Variants in CACNA1B observed in about 807,000 individuals in gnomAD.
CACNA1B encodes the protein calcium voltage-gated channel subunit alpha1 B.
Under a neutral mutation model 247.2 loss-of-function variants are expected in CACNA1B, and 70 were observed. The ratio of observed to expected loss-of-function variants is 0.28; its 90% CI spans 0.23 to 0.35. The LOEUF (loss-of-function observed/expected upper bound fraction) is 0.35. CACNA1B is among the 10% of genes least tolerant of loss of function. The probability of loss-of-function intolerance (pLI) is 1.00; values close to 1 mark genes in which losing one functional copy is unlikely to be tolerated. For synonymous variants in CACNA1B, 1,231 were observed against 1,294.4 expected (o/e 0.95, Z 1.05); for missense variants, 2,367 against 3,197.4 (o/e 0.74, Z 6.26).
Position 138,012,636 on chromosome 9 carries a change from C to T in CACNA1B, c.2161-493C>T, listed in dbSNP as rs373079285. ...GGCTGAGGTTAGAGGATCACTTAAG[C>T]CTGGGAGGTCGAGGCTGCAGTGAGC... On this transcript the variant is annotated intron_variant, in intron 17 of 46. Transcript: ENST00000371372. This position sits in a 1 kb window ranked among gnomAD's most constrained non-coding sequence, Gnocchi z 4.2. 1.3e-5 allele frequency among the ~76,000 whole-genome samples: 2 copies of T among 151,810 alleles called. No individual in the cohort carries two copies. The highest frequency in any genetic ancestry group is 3.9e-4 in the East Asian group (2 of 5,164).
chr9:137,903,068 G>A (rs970882156), intron 3 of CACNA1B, among the ~76,000 whole-genome samples: 74 of 152,148 alleles, frequency 4.9e-4, no homozygotes, highest in African/African-American at 1.7e-3. Flanking sequence ...AGTTGGATGA[G>A]CTTTGTTTTT....
At chr9:138,001,563 C>A (rs1958578147) in intron 15 of CACNA1B, among the ~76,000 whole-genome samples, 1 of 151,796 alleles carries the variant, frequency 6.6e-6, no homozygotes, top group Admixed American at 6.6e-5. Context: ...ACTATTCAAG[C>A]AGTCGAAGCT....
chr9:137,944,380 T>C (rs1645125407), intron 6 of CACNA1B, among the ~76,000 whole-genome samples: 1 of 152,194 alleles, frequency 6.6e-6, no homozygotes, highest in Admixed American at 6.5e-5. Flanking sequence ...TTTACTGCCT[T>C]ATTCTCTTTC....
chr9:138,085,264 C>G, intron 36 of CACNA1B, among the ~76,000 whole-genome samples: 1 of 150,676 alleles, frequency 6.6e-6, no homozygotes, highest in African/African-American at 2.5e-5. Context: ...AGAGCTTCAG[C>G]AGTGAGTCTG....
rs1956932705 is a variant in CACNA1B, at chr9:137,882,206, C to T, written c.391-538C>T. Among the ~76,000 whole-genome samples the T allele has an allele frequency of 6.6e-6, 1 of 152,230 alleles. No homozygotes were observed. Among genetic ancestry groups the T allele is most frequent in the South Asian group, 2.1e-4 (1 of 4,832 alleles). ...AAAGCCTGAGCTGTATCCAGGCAAC[C>T]TTGTGCAGGTTCCCACCCAGAGGCT... is the stretch of plus-strand genomic sequence containing the variant. On this transcript the variant is annotated intron_variant, in intron 2 of 46. Transcript: ENST00000371372. The surrounding 1 kb of genome is among the most constrained non-coding windows in gnomAD (Gnocchi z 4.0).
intron 44 of CACNA1B, among the ~76,000 whole-genome samples, chr9:138,119,492 C>A (rs1961999489): frequency 6.6e-6 from 1 of 152,162 alleles, no homozygotes; most frequent in Non-Finnish European, 1.5e-5. Flanking sequence ...GTCCCTCGGC[C>A]GACCTGGGCT....
rs1958180190 is a variant in CACNA1B, at chr9:137,973,410, G to C, written c.1543+1818G>C. The stretch of plus-strand genomic sequence containing the variant: ...GCAGCTTTGCAGGGGCTCATCGTGG[G>C]TTCTGTGCACCTCGGCTGTCCATTC... On this transcript the variant is annotated intron_variant, in intron 11 of 46. Coordinates refer to ENST00000371372, the MANE Select transcript of CACNA1B (RefSeq NM_000718.4). The surrounding 1 kb of genome is among the most constrained non-coding windows in gnomAD (Gnocchi z 4.1). Among the ~76,000 whole-genome samples the C allele has an allele frequency of 6.6e-6, 1 of 152,168 alleles. No individual in the cohort carries two copies. Among genetic ancestry groups the C allele is most frequent in the African/African-American group, 2.4e-5 (1 of 41,442 alleles).
At chr9:138,036,328 A>G (rs1267669852) in intron 20 of CACNA1B, among the ~76,000 whole-genome samples, 1 of 151,974 alleles carries the variant, frequency 6.6e-6, no homozygotes, top group Non-Finnish European at 1.5e-5. Context: ...TTTAGTAGAG[A>G]TGGCGTTTCA....
At position 138,058,774 on chromosome 9, in the gene CACNA1B, G is replaced by T; in HGVS notation, c.4473+41G>T. On this transcript the variant is annotated intron_variant, in intron 29 of 46. Coordinates refer to ENST00000371372, the MANE Select transcript of CACNA1B (RefSeq NM_000718.4). This position sits in a 1 kb window ranked among gnomAD's most constrained non-coding sequence, Gnocchi z 4.7. ...CGCAGAGGGGCAGCTGGCGCTGCTA[G>T]GGATTGGGATCTAACCCTGAGGCTG... is the stretch of plus-strand genomic sequence containing the variant. 3.9e-6 allele frequency: 6 copies of T among 1,551,062 alleles called. No individual in the cohort carries two copies. Among genetic ancestry groups the T allele is most frequent in the East Asian group, 2.4e-5 (1 of 42,192 alleles).
In CACNA1B at chr9:138,102,202, C is replaced by T. The variant is rs1961275886; in HGVS notation, c.5223-509C>T. Among the ~76,000 whole-genome samples, 1 of 152,176 alleles carries T rather than the reference C, an allele frequency of 6.6e-6. No individual in the cohort carries two copies. Among genetic ancestry groups the T allele is most frequent in the Non-Finnish European group, 1.5e-5 (1 of 68,040 alleles). On this transcript the variant is annotated intron_variant, in intron 37 of 46. Coordinates refer to ENST00000371372, the MANE Select transcript of CACNA1B (RefSeq NM_000718.4). This position sits in a 1 kb window ranked among gnomAD's most constrained non-coding sequence, Gnocchi z 5.4. ...TTTCAGATCTTCTCCACCTTTTTAG[C>T]CTCTAGCCTCACTTGGAAGCAAATC...
chr9:137,925,585 A>G (rs1000437731), intron 6 of CACNA1B, among the ~76,000 whole-genome samples: 1 of 151,970 alleles, frequency 6.6e-6, no homozygotes, highest in African/African-American at 2.4e-5. Context: ...AACCTTACCA[A>G]CTCCCTTATT....
Position 138,054,839 on chromosome 9 carries a change from GT to G in CACNA1B, c.3968+834del, listed in dbSNP as rs763994467. Among the ~76,000 whole-genome samples the G allele has an allele frequency of 2.0e-4, 31 of 152,258 alleles. No homozygotes were observed. The highest frequency in any genetic ancestry group is 3.9e-4 in the Admixed American group (6 of 15,294). On this transcript the variant is annotated intron_variant, in intron 26 of 46. Transcript: ENST00000371372. The surrounding 1 kb of genome is among the most constrained non-coding windows in gnomAD (Gnocchi z 4.6). Reference sequence around the variant, plus strand: ...GGTGTTTTCTTTCTCGCCTTTCTGGGTGTAGTGGTCATTCACCGTGGTTTAA... The same window carrying G: ...GGTGTTTTCTTTCTCGCCTTTCTGGGGTAGTGGTCATTCACCGTGGTTTAA...
chr9:137,981,802 G>T (rs1180661206), intron 12 of CACNA1B, among the ~76,000 whole-genome samples: 5 of 152,276 alleles, frequency 3.3e-5, no homozygotes, highest in African/African-American at 1.2e-4. Flanking sequence ...TTACATAGCT[G>T]CATGCAACAG....
intron 37 of CACNA1B, among the ~76,000 whole-genome samples, chr9:138,097,862 A>G (rs1961107224): frequency 6.6e-6 from 1 of 152,138 alleles, no homozygotes; most frequent in Non-Finnish European, 1.5e-5. Flanking sequence ...CTCCACAGAC[A>G]CAAAAGGCCT....
intron 12 of CACNA1B, among the ~76,000 whole-genome samples, chr9:137,980,410 G>A (rs1958280805): frequency 6.6e-6 from 1 of 152,228 alleles, no homozygotes; most frequent in Non-Finnish European, 1.5e-5. Flanking sequence ...GTGTGGCTGA[G>A]TAGTGCTCTG....
At chr9:137,934,531 C>T (rs1273956903) in intron 6 of CACNA1B, among the ~76,000 whole-genome samples, 2 of 152,122 alleles carry the variant, frequency 1.3e-5, no homozygotes, top group Non-Finnish European at 2.9e-5. Context: ...TCAGGAAAGC[C>T]GAGAGAACCC....
chr9:138,023,346 G>C lies in CACNA1B; in HGVS notation c.2603G>C (p.Arg868Pro), dbSNP rs1958874199. The change falls in exon 19 of 47, where the codon CGA becomes CCA. Residue 868 changes from arginine (R) to proline (P), a missense_variant. By Grantham distance (103) the Arg-to-Pro change is moderately radical. Coordinates refer to ENST00000371372, the MANE Select transcript of CACNA1B (RefSeq NM_000718.4). ...DKTPAAGDQDRAEAPKAESGE... is the reference protein window; with the variant it reads ...DKTPAAGDQDPAEAPKAESGE... ...ACCCCCGCGGCGGGGGACCAGGACC[G>C]AGCAGAGGCCCCGAAGGCGGAGAGC... is the stretch of plus-strand genomic sequence containing the variant. The C allele has an allele frequency of 3.5e-6, 5 of 1,449,086 alleles. No individual in the cohort carries two copies. Among genetic ancestry groups the C allele is most frequent in the African/African-American group, 1.5e-5 (1 of 67,232 alleles). 89.8% of individuals were successfully genotyped at this position (1,449,086 alleles called of 1,614,324 possible). A position where few individuals can be genotyped will look rare whatever the true frequency, so the allele number is the denominator to read the frequency against.
At chr9:137,997,552 C>T (rs1958514691) in intron 15 of CACNA1B, among the ~76,000 whole-genome samples, 1 of 152,146 alleles carries the variant, frequency 6.6e-6, no homozygotes, top group African/African-American at 2.4e-5. Flanking sequence ...AAACAAGTAA[C>T]TCACAGGAGA....
chr9:138,038,275 C>A (rs1045541380), intron 20 of CACNA1B, among the ~76,000 whole-genome samples: 2 of 152,170 alleles, frequency 1.3e-5, no homozygotes, highest in Admixed American at 6.5e-5. Flanking sequence ...TTCTCACAGG[C>A]CTGGAGTAGA....
Sources: allele counts gnomAD v4.1 joint callset (sites outside exome capture counted in the v4.1 genomes callset), GRCh38; gene constraint gnomAD v4.1.1; non-coding constraint Gnocchi (gnomAD v3.1); transcripts MANE v1.5; gene names NCBI Gene and HGNC (gene_info 2026-07-23, HGNC 2026-07-21).